DYNC2H1: variants seen among roughly 807,000 people sequenced by gnomAD.
DYNC2H1 encodes cytoplasmic dynein 2 heavy chain 1.
DYNC2H1 carries 410 observed loss-of-function variants against 570.0 expected under a neutral mutation model. The ratio of observed to expected loss-of-function variants is 0.72; its 90% confidence interval spans 0.66 to 0.78. The LOEUF (loss-of-function observed/expected upper bound fraction) is 0.78, where lower values mean the gene tolerates loss of function less well. Ranked by LOEUF, DYNC2H1 falls within the 30% of genes least tolerant of loss-of-function variation. The probability of loss-of-function intolerance (pLI) is 0.00; values close to 1 mark genes in which losing one functional copy is unlikely to be tolerated. For synonymous variants in DYNC2H1, 1,688 were observed against 1,677.6 expected (o/e 1.01, Z -0.15); for missense variants, 4,865 against 5,046.4 (o/e 0.96, Z 1.09).
rs532106032 is a variant in DYNC2H1, at chr11:103,154,805, A to T, written c.3569A>T (p.Tyr1190Phe). 8 of 1,538,186 alleles carry T rather than the reference A, an allele frequency of 5.2e-6. No individual in the cohort carries two copies. The South Asian group carries it at 8.7e-5, about 17-fold the overall frequency. Reference protein sequence around the residue: ...TVKLQSEVDKYKIVIPILKYV... With the variant: ...TVKLQSEVDKFKIVIPILKYV... ...AAATTACAATCAGAGGTTGACAAAT[A>T]TAAAGTAAGATTGTTTTATTATTTT... Residue 1190 changes from tyrosine (Y) to phenylalanine (F), a missense_variant, in exon 24 of 89, where the codon TAT becomes TTT. Physicochemically the swap from Tyr to Phe is conservative, Grantham distance 22 (BLOSUM62 3). Transcript: ENST00000375735.
chr11:103,367,686 G>C (rs1940971082), intron 83 of DYNC2H1, among the ~76,000 whole-genome samples: 1 of 152,006 alleles, frequency 6.6e-6, no homozygotes, highest in Non-Finnish European at 1.5e-5. Context: ...ACCCTGCTGG[G>C]CAATAGAACA....
intron 83 of DYNC2H1, among the ~76,000 whole-genome samples, chr11:103,386,383 T>A (rs1941873024): frequency 6.6e-6 from 1 of 152,156 alleles, no homozygotes; most frequent in Non-Finnish European, 1.5e-5. Flanking sequence ...CTTTTAGCCA[T>A]AAAGTTATTG....
rs527365956 is a variant in DYNC2H1 at position 103,373,383 on chromosome 11, C to T, written c.12156+15024C>T. Among the ~76,000 whole-genome samples the T allele has an allele frequency of 1.6e-4, 24 of 149,062 alleles. No individual in the cohort carries two copies. In the South Asian group the frequency reaches 2.0e-3, roughly 12 times the overall value. ...TCTGTGATATCAGTAGTAATGTCCT[C>T]TTTTTTGACTCTGATTTTGAGTCTT... On this transcript the variant is annotated intron_variant, in intron 83 of 88. Transcript: ENST00000375735.
chr11:103,421,513 G>A (rs967168324), intron 84 of DYNC2H1, among the ~76,000 whole-genome samples: 1 of 152,076 alleles, frequency 6.6e-6, no homozygotes, highest in African/African-American at 2.4e-5. Context: ...CGGTCTCTTA[G>A]ACCACAATGC....
intron 55 of DYNC2H1, among the ~76,000 whole-genome samples, chr11:103,216,591 G>C (rs1035882790): frequency 2.0e-5 from 3 of 151,990 alleles, no homozygotes; most frequent in Non-Finnish European, 4.4e-5. Context: ...ATGAGTTTAA[G>C]GACCAGCCTG....
chr11:103,335,443 T>G (rs1284602774), intron 82 of DYNC2H1, among the ~76,000 whole-genome samples: 2 of 151,896 alleles, frequency 1.3e-5, no homozygotes, highest in Non-Finnish European at 2.9e-5. Context: ...AATTTTCTGA[T>G]CTAGGAATGA....
At chr11:103,474,250 T>A (rs1817159473) in intron 88 of DYNC2H1, 2 of 154,654 alleles carry the variant, frequency 1.3e-5, no homozygotes, top group South Asian at 3.8e-4. Flanking sequence ...TTTTGAGATT[T>A]TTTTCCCCCA....
chr11:103,110,843 A>AG (rs1404015488), intron 1 of DYNC2H1, among the ~76,000 whole-genome samples: 5 of 149,398 alleles, frequency 3.3e-5, no homozygotes, highest in African/African-American at 9.9e-5. Context: ...TTTTAGACGC[A>AG]GTTCGCAGTT....
chr11:103,332,895 C>T (rs1266752636), intron 82 of DYNC2H1, among the ~76,000 whole-genome samples: 1 of 151,664 alleles, frequency 6.6e-6, no homozygotes, highest in Non-Finnish European at 1.5e-5. Context: ...CGCAGCTGCT[C>T]AGGAGGCTGA....
chr11:103,225,935 G>A (rs1386297212), intron 59 of DYNC2H1, among the ~76,000 whole-genome samples: 2 of 144,856 alleles, frequency 1.4e-5, no homozygotes, highest in Admixed American at 7.3e-5. Context: ...CCATATCCTT[G>A]GTTAGGTGTA....
intron 65 of DYNC2H1, among the ~76,000 whole-genome samples, chr11:103,248,602 A>T (rs1864711935): frequency 6.6e-6 from 1 of 152,084 alleles, no homozygotes; most frequent in Admixed American, 6.6e-5. Flanking sequence ...TTGAATGGTC[A>T]TAGTAAACCT....
At chr11:103,456,477 T>C (rs1944793719) in intron 87 of DYNC2H1, 121 bp downstream of exon 87, 1 of 627,644 alleles carries the variant, frequency 1.6e-6, no homozygotes. Flanking sequence ...AGTTAGATTG[T>C]ATTATCTATG....
intron 83 of DYNC2H1, among the ~76,000 whole-genome samples, chr11:103,361,259 T>G (rs185820417): frequency 6.6e-6 from 1 of 152,306 alleles, no homozygotes; most frequent in East Asian, 1.9e-4. Flanking sequence ...ATAGGATTAG[T>G]GCTCTTATTA....
intron 84 of DYNC2H1, among the ~76,000 whole-genome samples, chr11:103,435,363 A>G (rs1944022947): frequency 6.6e-6 from 1 of 152,184 alleles, no homozygotes; most frequent in Non-Finnish European, 1.5e-5. Context: ...TATAATGAAC[A>G]TGACCTTACA....
In DYNC2H1 at chr11:103,472,385, A is replaced by T. The variant is rs1945416834; in HGVS notation, c.12765+3680A>T. ...ATTAAATAAAAAAAGAATTAAAAAAATTTTTTTTAAAGAATTGAGAACAGG... is the reference window on the plus strand; with the variant it reads ...ATTAAATAAAAAAAGAATTAAAAAATTTTTTTTTAAAGAATTGAGAACAGG... On this transcript the variant is annotated intron_variant, in intron 88 of 88. Transcript: ENST00000375735. The surrounding 1 kb of genome is among the most constrained non-coding windows in gnomAD (Gnocchi z 4.1). Among the ~76,000 whole-genome samples the T allele has an allele frequency of 6.6e-6, 1 of 151,500 alleles. No individual in the cohort carries two copies.
At chr11:103,412,220 G>C (rs1323465706) in intron 84 of DYNC2H1, among the ~76,000 whole-genome samples, 4 of 152,038 alleles carry the variant, frequency 2.6e-5, no homozygotes, top group Admixed American at 6.6e-5. Context: ...ATGTGCTTTA[G>C]GAAAGAGTTC....
chr11:103,399,638 AAAT>A (rs1942554309), intron 83 of DYNC2H1, 22 bp from the exon 84 acceptor site: 1 of 1,546,064 alleles, frequency 6.5e-7, no homozygotes, highest in Non-Finnish European at 8.9e-7. Flanking sequence ...ACTATTCGGT[AAAT>A]ATTATGACAT....
rs1938156626 is a variant in DYNC2H1 at position 103,321,018 on chromosome 11, T to A, written c.11726-11T>A. The A allele has an allele frequency of 1.9e-6, 3 of 1,581,582 alleles. No individual in the cohort carries two copies. The highest frequency in any genetic ancestry group is 2.7e-5 in the African/African-American group (2 of 73,616). ...GAAATGAAATTAATGAGTGTTTTTTTAAAATTATAGGTGCCAAAGATGTAC... is the reference window on the plus strand; with the variant it reads ...GAAATGAAATTAATGAGTGTTTTTTAAAAATTATAGGTGCCAAAGATGTAC... On this transcript the variant is annotated splice_polypyrimidine_tract_variant and intron_variant, in intron 80 of 88. Coordinates refer to ENST00000375735, the MANE Select transcript of DYNC2H1 (RefSeq NM_001377.3).
chr11:103,160,337 G>A (rs1861039487), intron 28 of DYNC2H1, among the ~76,000 whole-genome samples: 1 of 151,990 alleles, frequency 6.6e-6, no homozygotes, highest in African/African-American at 2.4e-5. Flanking sequence ...GGGCATTTGG[G>A]TTATTTCCAG....
Sources: gnomAD v4.1 joint callset for allele counts (sites outside exome capture counted in the v4.1 genomes callset) on GRCh38, gnomAD v4.1.1 for gene constraint, Gnocchi (gnomAD v3.1) non-coding constraint, MANE v1.5 for transcripts, NCBI Gene and HGNC (gene_info 2026-07-23, HGNC 2026-07-21) for gene names.